Variants in DLG2 observed in about 807,000 individuals in gnomAD.
The protein encoded by DLG2 is disks large homolog 2.
A neutral mutation model predicts 132.5 loss-of-function variants in DLG2; 45 were observed. That is an observed-to-expected ratio of 0.34 (90% CI 0.27 to 0.44). The LOEUF is 0.44. Among genes scored for constraint, DLG2 ranks in the 20% least tolerant of loss-of-function variants. The pLI, the probability that DLG2 is intolerant of heterozygous loss-of-function variation, is 1.00. For synonymous variants in DLG2, 424 were observed against 419.6 expected, an observed-to-expected ratio of 1.01 and a Z score of -0.13; for missense variants, 1,045 against 1,196.9, an observed-to-expected ratio of 0.87 and a Z score of 1.87.
intron 6 of DLG2, among the ~76,000 whole-genome samples, chr11:84,650,890 T>TAC: frequency 6.9e-6 from 1 of 144,794 alleles, no homozygotes; most frequent in Admixed American, 6.9e-5. Context: ...TATATATATA[T>TAC]ATATATATAT....
intron 7 of DLG2, among the ~76,000 whole-genome samples, chr11:84,503,122 G>A (rs1450533146): frequency 6.6e-6 from 1 of 152,150 alleles, no homozygotes; most frequent in East Asian, 1.9e-4. Context: ...ATAGAACAGA[G>A]GTGTAATCTG....
At chr11:83,982,843 G>A (rs1206601022) in intron 11 of DLG2, among the ~76,000 whole-genome samples, 3 of 151,928 alleles carry the variant, frequency 2.0e-5, no homozygotes, top group Non-Finnish European at 2.9e-5. Flanking sequence ...ATTTTTTACT[G>A]TACTTTTTCT....
intron 10 of DLG2, among the ~76,000 whole-genome samples, chr11:84,065,730 A>G (rs2096660886): frequency 6.6e-6 from 1 of 152,204 alleles, no homozygotes; most frequent in Admixed American, 6.5e-5. Flanking sequence ...TATCCAAAGC[A>G]ATATAAATTA....
chr11:83,956,810 C>G (rs2086986047), intron 14 of DLG2, among the ~76,000 whole-genome samples: 1 of 152,156 alleles, frequency 6.6e-6, no homozygotes, highest in Non-Finnish European at 1.5e-5. Context: ...AGAGCTTGTT[C>G]CTAATGGGTA....
intron 4 of DLG2, among the ~76,000 whole-genome samples, chr11:85,260,297 T>G (rs1424036220): frequency 6.6e-6 from 1 of 152,180 alleles, no homozygotes; most frequent in Non-Finnish European, 1.5e-5. Context: ...GTCAATAGAG[T>G]GCTACTTCTT....
At chr11:84,185,331 C>T (rs1490392117) in intron 8 of DLG2, among the ~76,000 whole-genome samples, 2 of 152,102 alleles carry the variant, frequency 1.3e-5, no homozygotes, top group African/African-American at 4.8e-5. Flanking sequence ...CTCTTTGAAG[C>T]AATTGTGAAT....
intron 13 of DLG2, among the ~76,000 whole-genome samples, chr11:83,963,853 T>A (rs1314879876): frequency 1.3e-5 from 2 of 151,998 alleles, no homozygotes; most frequent in Non-Finnish European, 2.9e-5. Flanking sequence ...CCATCTCAGA[T>A]GTTGAAATCT....
intron 7 of DLG2, among the ~76,000 whole-genome samples, chr11:84,293,174 G>T (rs1345836530): frequency 6.6e-6 from 1 of 151,992 alleles, no homozygotes; most frequent in Non-Finnish European, 1.5e-5. Flanking sequence ...GGTGGTGTGT[G>T]TTGGAAGTAT....
intron 6 of DLG2, among the ~76,000 whole-genome samples, chr11:84,722,750 AGAGTT>A (rs2061975180): frequency 6.6e-6 from 1 of 152,314 alleles, no homozygotes; most frequent in East Asian, 1.9e-4. Context: ...AAAGACCCTC[AGAGTT>A]GAGTTACACC....
chr11:85,421,517 C>T (rs2090307992), intron 3 of DLG2, among the ~76,000 whole-genome samples: 1 of 150,878 alleles, frequency 6.6e-6, no homozygotes, highest in African/African-American at 2.4e-5. Flanking sequence ...CCTGAAATGT[C>T]TTTTTTCACC....
chr11:83,887,211 TAAA>T (rs995374036), intron 15 of DLG2, among the ~76,000 whole-genome samples: 25 of 151,418 alleles, frequency 1.7e-4, no homozygotes, highest in Admixed American at 1.6e-3. Context: ...GCAAGACTAA[TAAA>T]GAAGAAAAGA....
chr11:84,917,875 T>C (rs1157806632), intron 6 of DLG2, among the ~76,000 whole-genome samples: 3 of 152,178 alleles, frequency 2.0e-5, no homozygotes, highest in African/African-American at 7.2e-5. Flanking sequence ...AAGGAACTAA[T>C]ACGTTATAGG....
chr11:83,795,507 G>A (rs1594532954), intron 17 of DLG2, among the ~76,000 whole-genome samples: 1 of 151,596 alleles, frequency 6.6e-6, no homozygotes, highest in East Asian at 1.9e-4. Flanking sequence ...TATTCCATAT[G>A]TTTTGGCATC....
At chr11:84,898,293 C>T (rs984422289) in intron 6 of DLG2, among the ~76,000 whole-genome samples, 1 of 151,830 alleles carries the variant, frequency 6.6e-6, no homozygotes, top group Non-Finnish European at 1.5e-5. Flanking sequence ...TGAATAGTAT[C>T]TTCATGTTTT....
At chr11:84,830,360 C>T (rs3802893) in intron 6 of DLG2, among the ~76,000 whole-genome samples, 116,413 of 150,062 alleles carry the variant, frequency 0.78, 46,115 homozygotes, top group Middle Eastern at 0.87. Flanking sequence ...TGACAGCAGG[C>T]GTCATCTACG....
intron 7 of DLG2, among the ~76,000 whole-genome samples, chr11:84,353,945 C>T (rs2098596677): frequency 6.6e-6 from 1 of 152,152 alleles, no homozygotes. Flanking sequence ...AAGATCCCCC[C>T]ACTCTCATTC....
Position 83,457,529 on chromosome 11 carries a change from G to A in DLG2, c.*2289C>T, listed in dbSNP as rs2089204882. ...TATATTACTACAAAACCAAGGGTTG[G>A]TGGTTCAATTTGATTGTACTTAGCC... On this transcript the variant is annotated 3_prime_UTR_variant, in exon 28 of 28. Coordinates refer to ENST00000376104, the MANE Select transcript of DLG2 (RefSeq NM_001142699.3). The A allele has an allele frequency of 6.6e-6, 1 of 152,624 alleles. No individual in the cohort carries two copies. Among genetic ancestry groups the A allele is most frequent in the Admixed American group, 6.5e-5 (1 of 15,280 alleles). The allele number at this position is 152,624 out of a possible 1,614,324, so 9.5% of individuals were successfully genotyped here.
chr11:83,966,774 C>T (rs2514151), intron 12 of DLG2, among the ~76,000 whole-genome samples: 26,177 of 151,860 alleles, frequency 0.17, 3,325 homozygotes, highest in African/African-American at 0.34. Flanking sequence ...CTACTTATTT[C>T]GCAAAATTCC....
chr11:84,690,531 G>A (rs1310245919), intron 6 of DLG2, among the ~76,000 whole-genome samples: 1 of 151,552 alleles, frequency 6.6e-6, no homozygotes, highest in Non-Finnish European at 1.5e-5. Flanking sequence ...ACAATGTAGA[G>A]CGTGGGAAAG....
Sources: allele counts gnomAD v4.1 joint callset (sites outside exome capture counted in the v4.1 genomes callset), GRCh38; gene constraint gnomAD v4.1.1; transcripts MANE v1.5; gene names NCBI Gene and HGNC (gene_info 2026-07-23, HGNC 2026-07-21).